Variants in DPP10 observed in about 807,000 individuals in gnomAD.
DPP10 encodes the protein inactive dipeptidyl peptidase 10.
A neutral mutation model predicts 120.9 loss-of-function variants in DPP10; 33 were observed. The observed-to-expected ratio is 0.27, with a 90% CI of 0.21 to 0.37. DPP10 has a LOEUF of 0.37. DPP10 is among the 10% of genes least tolerant of loss of function. DPP10 has a pLI of 1.00. For synonymous variants in DPP10, 337 were observed against 326.1 expected, an observed-to-expected ratio of 1.03 and a Z score of -0.36; for missense variants, 816 against 942.8, an observed-to-expected ratio of 0.87 and a Z score of 1.76.
chr2:115,633,822 T>G (rs547498086), intron 5 of DPP10, among the ~76,000 whole-genome samples: 8 of 152,276 alleles, frequency 5.3e-5, no homozygotes, highest in African/African-American at 1.9e-4. Context: ...AATTTGAATG[T>G]TCACCTGTCT....
At chr2:114,887,324 G>T (rs945327135) in intron 1 of DPP10, among the ~76,000 whole-genome samples, 1 of 152,098 alleles carries the variant, frequency 6.6e-6, no homozygotes, top group Non-Finnish European at 1.5e-5. Context: ...AGGTAGGCTC[G>T]GGAGAAAAAA....
At chr2:114,597,286 G>A (rs1691994430) in intron 1 of DPP10, among the ~76,000 whole-genome samples, 1 of 151,930 alleles carries the variant, frequency 6.6e-6, no homozygotes, top group Admixed American at 6.6e-5. Context: ...GTGGGAATAA[G>A]GATAGAAAGT....
At chr2:115,620,802 C>G (rs1459762584) in intron 5 of DPP10, among the ~76,000 whole-genome samples, 3 of 152,106 alleles carry the variant, frequency 2.0e-5, no homozygotes, top group African/African-American at 7.2e-5. Flanking sequence ...GGCAGAATGA[C>G]CATATAATTT....
intron 5 of DPP10, among the ~76,000 whole-genome samples, chr2:115,593,178 C>T (rs2082777900): frequency 6.6e-6 from 1 of 152,170 alleles, no homozygotes; most frequent in Non-Finnish European, 1.5e-5. Flanking sequence ...AATTGTGTCT[C>T]ATTCCAAGAG....
At chr2:114,660,568 T>G (rs373584396) in intron 1 of DPP10, among the ~76,000 whole-genome samples, 37 of 152,322 alleles carry the variant, frequency 2.4e-4, no homozygotes, top group African/African-American at 8.4e-4. Context: ...TAGAACTTAC[T>G]TGATTCCTGA....
chr2:115,427,233 C>T (rs1026774857), intron 3 of DPP10, among the ~76,000 whole-genome samples: 4 of 152,198 alleles, frequency 2.6e-5, no homozygotes, highest in African/African-American at 9.6e-5. Flanking sequence ...GATGGTGGCT[C>T]CCTTCCCACA....
intron 3 of DPP10, among the ~76,000 whole-genome samples, chr2:115,456,359 G>C (rs535490127): frequency 1.3e-5 from 2 of 152,292 alleles, no homozygotes; most frequent in Admixed American, 1.3e-4. Flanking sequence ...TACGCTGTTG[G>C]TGGGACTGTA....
chr2:115,391,182 C>G (rs2067291147), intron 3 of DPP10, among the ~76,000 whole-genome samples: 1 of 152,140 alleles, frequency 6.6e-6, no homozygotes, highest in South Asian at 2.1e-4. Flanking sequence ...ATAGTATGCA[C>G]TACTTGAACA....
intron 1 of DPP10, among the ~76,000 whole-genome samples, chr2:114,987,967 C>G (rs997183162): frequency 6.6e-6 from 1 of 151,870 alleles, no homozygotes; most frequent in Non-Finnish European, 1.5e-5. Context: ...CCACGCCCGG[C>G]TAATTTTTTG....
intron 3 of DPP10, among the ~76,000 whole-genome samples, chr2:115,449,836 G>A (rs901348362): frequency 5.3e-5 from 8 of 152,036 alleles, no homozygotes; most frequent in Admixed American, 2.0e-4. Context: ...CAGAAGTTAC[G>A]TGAAAATTAG....
At chr2:114,986,768 T>C (rs926999529) in intron 1 of DPP10, among the ~76,000 whole-genome samples, 3 of 152,094 alleles carry the variant, frequency 2.0e-5, no homozygotes, top group African/African-American at 7.2e-5. Context: ...TAGGACAGGT[T>C]TTTTTGTTTG....
chr2:114,833,353 T>G (rs924925480), intron 1 of DPP10: 5 of 151,956 alleles, frequency 3.3e-5, no homozygotes, highest in Non-Finnish European at 5.9e-5. Flanking sequence ...CATTTTCAAT[T>G]AAATTATCTA....
chr2:114,950,278 G>C (rs1409586012), intron 1 of DPP10, among the ~76,000 whole-genome samples: 1 of 146,512 alleles, frequency 6.8e-6, no homozygotes, highest in Non-Finnish European at 1.5e-5. Context: ...AAAAAATAAT[G>C]AGACCACACC....
chr2:114,765,236 G>A (rs535657216), intron 1 of DPP10, among the ~76,000 whole-genome samples: 340 of 152,092 alleles, frequency 2.2e-3, no homozygotes, highest in African/African-American at 7.2e-3. Context: ...AATTACACTC[G>A]TGTGGTGGTA....
chr2:115,036,167 GT>G (rs1704213932), intron 1 of DPP10, among the ~76,000 whole-genome samples: 1 of 152,320 alleles, frequency 6.6e-6, no homozygotes, highest in South Asian at 2.1e-4. Flanking sequence ...GCAGGACAGA[GT>G]AAGTGCAAAG....
chr2:115,369,908 T>A (rs2065299807), intron 3 of DPP10, among the ~76,000 whole-genome samples: 1 of 152,054 alleles, frequency 6.6e-6, no homozygotes, highest in South Asian at 2.1e-4. Flanking sequence ...TCCTTGTAAA[T>A]CCATCTCTAA....
At chr2:115,351,941 A>G (rs1177163500) in intron 3 of DPP10, among the ~76,000 whole-genome samples, 1 of 152,098 alleles carries the variant, frequency 6.6e-6, no homozygotes, top group East Asian at 1.9e-4. Context: ...ACTAACTACG[A>G]TATTCAAACT....
At chr2:114,502,941 A>G (rs958043727) in intron 1 of DPP10, among the ~76,000 whole-genome samples, 1 of 151,542 alleles carries the variant, frequency 6.6e-6, no homozygotes, top group African/African-American at 2.4e-5. Context: ...GGCCCTTGCC[A>G]CAGCTTGAGA....
chr2:115,244,067 A>T (rs1045102383), intron 1 of DPP10, among the ~76,000 whole-genome samples: 2 of 151,428 alleles, frequency 1.3e-5, no homozygotes, highest in African/African-American at 4.8e-5. Flanking sequence ...AATACCTTAA[A>T]ATAAGAAAAT....
Sources: allele counts gnomAD v4.1 joint callset (sites outside exome capture counted in the v4.1 genomes callset), GRCh38; gene constraint gnomAD v4.1.1; transcripts MANE v1.5; gene names NCBI Gene and HGNC (gene_info 2026-07-23, HGNC 2026-07-21).